Variants in PLEKHH2 observed in about 807,000 individuals in gnomAD.
PLEKHH2 encodes the protein pleckstrin homology domain-containing family H member 2.
A neutral mutation model predicts 187.9 loss-of-function variants in PLEKHH2; 129 were observed. That is an observed-to-expected ratio of 0.69 (90% CI 0.59 to 0.79). The LOEUF is 0.79. PLEKHH2 is among the 30% of genes least tolerant of loss of function. The pLI is 0.00. For synonymous variants in PLEKHH2, 686 were observed against 605.6 expected (o/e 1.13, Z -1.95); for missense variants, 2,076 against 1,751.2 (o/e 1.19, Z -3.31).
Position 43,712,321 on chromosome 2 carries a change from G to A in PLEKHH2, c.2398G>A (p.Ala800Thr), listed in dbSNP as rs377168590. The A allele has an allele frequency of 1.4e-5, 23 of 1,613,962 alleles. No individual in the cohort carries two copies. Among genetic ancestry groups the A allele is most frequent in the Non-Finnish European group, 1.9e-5 (23 of 1,180,002 alleles). ...GTTACAGAATGTTCTTCGAGTACAAGCTGCCAACCCACTTTCCCTGCAGCC... is the reference window on the plus strand; with the variant it reads ...GTTACAGAATGTTCTTCGAGTACAAACTGCCAACCCACTTTCCCTGCAGCC... ...KVLQNVLRVQ[A>T]ANPLSLQPEG... The change falls in exon 15 of 30, where the codon GCT (alanine) becomes ACT (threonine). Residue 800 changes from alanine (A) to threonine (T), a missense_variant. Ala to Thr is a moderately conservative substitution (Grantham distance 58). Transcript: ENST00000282406.
At chr2:43,726,043 A>T (rs899016734) in intron 16 of PLEKHH2, among the ~76,000 whole-genome samples, 3 of 151,390 alleles carry the variant, frequency 2.0e-5, no homozygotes, top group South Asian at 2.1e-4. Flanking sequence ...CCTGAAGCCC[A>T]GGAGTTCAAG....
chr2:43,752,554 G>A (rs190127659), intron 24 of PLEKHH2, among the ~76,000 whole-genome samples: 1 of 152,252 alleles, frequency 6.6e-6, no homozygotes, highest in African/African-American at 2.4e-5. Context: ...AAGTGTGTAG[G>A]GGGAAGAAAA....
Position 43,731,370 on chromosome 2 carries a change from C to T in PLEKHH2, c.2831-120C>T, listed in dbSNP as rs533288497. 16 of 658,406 alleles carry T rather than the reference C, an allele frequency of 2.4e-5. No homozygotes were observed. The Admixed American group carries it at 3.9e-4, about 16-fold the overall frequency. The allele number at this position is 658,406 out of a possible 1,614,324, so 40.8% of individuals were successfully genotyped here. A position where few individuals can be genotyped will look rare whatever the true frequency, so the allele number is the denominator to read the frequency against. ...TGTTGCCAAAGAGTTTTTTTCTGAC[C>T]TTTGTGACTTAAAGTTGTGAGCCAA... On this transcript the variant is annotated intron_variant, in intron 18 of 29. Coordinates refer to ENST00000282406, the MANE Select transcript of PLEKHH2 (RefSeq NM_172069.4).
intron 18 of PLEKHH2, among the ~76,000 whole-genome samples, chr2:43,730,209 A>T (rs1670972094): frequency 6.6e-6 from 1 of 152,214 alleles, no homozygotes; most frequent in Admixed American, 6.5e-5. Flanking sequence ...ATGGCTTTGA[A>T]TGTGGCCCAA....
chr2:43,656,696 A>G (rs1225125434), intron 2 of PLEKHH2, among the ~76,000 whole-genome samples: 1 of 152,238 alleles, frequency 6.6e-6, no homozygotes, highest in Non-Finnish European at 1.5e-5. Context: ...TGTGCACAAC[A>G]AATATATACA....
chr2:43,670,173 G>A (rs1667426813), intron 2 of PLEKHH2, among the ~76,000 whole-genome samples: 1 of 152,132 alleles, frequency 6.6e-6, no homozygotes, highest in African/African-American at 2.4e-5. Flanking sequence ...ATCATTAGGA[G>A]AATAAAATTA....
chr2:43,706,402 A>G lies in PLEKHH2; in HGVS notation c.1807A>G (p.Thr603Ala). The change falls in exon 10 of 30, where the codon ACA (threonine) becomes GCA (alanine). Residue 603 changes from threonine (T) to alanine (A), a missense_variant. By Grantham distance (58) the Thr-to-Ala change is moderately conservative. Coordinates refer to ENST00000282406, the MANE Select transcript of PLEKHH2 (RefSeq NM_172069.4). ...CAAGAACATGACCACCCCAGTGTAT[A>G]CAACTTTGAAGGGGGTAACTCATTA... Reference protein sequence around the residue: ...IYKNMTTPVYTTLKGKATQIS... With the variant: ...IYKNMTTPVYATLKGKATQIS... 6.3e-7 allele frequency: 1 copy of G among 1,588,442 alleles called. No homozygotes were observed. The highest frequency in any genetic ancestry group is 8.6e-7 in the Non-Finnish European group (1 of 1,157,276).
At chr2:43,679,141 T>C (rs1442667273) in intron 3 of PLEKHH2, among the ~76,000 whole-genome samples, 1 of 152,202 alleles carries the variant, frequency 6.6e-6, no homozygotes, top group Non-Finnish European at 1.5e-5. Flanking sequence ...AAGGAAGTTT[T>C]ATCTTACTTC....
At chr2:43,643,882 C>G (rs1666064534) in intron 1 of PLEKHH2, among the ~76,000 whole-genome samples, 1 of 152,114 alleles carries the variant, frequency 6.6e-6, no homozygotes, top group Admixed American at 6.5e-5. Flanking sequence ...AACCAATTCC[C>G]TTGCATCTTG....
chr2:43,699,896 A>C lies in PLEKHH2; in HGVS notation c.938A>C (p.Glu313Ala), dbSNP rs1473486282. 6.2e-6 allele frequency: 10 copies of C among 1,614,042 alleles called. No homozygotes were observed. The highest frequency in any genetic ancestry group is 8.5e-6 in the Non-Finnish European group (10 of 1,180,016). Residue 313 changes from glutamate to alanine, a missense_variant, in exon 8 of 30, where the codon GAA (glutamate) becomes GCA (alanine). Coordinates refer to ENST00000282406, the MANE Select transcript of PLEKHH2 (RefSeq NM_172069.4). ...ACCCTCTCCAGTCACACATCTGAGG[A>C]AGGGGTCCAGTGTAGCAGGATGGGA... ...TSTLSSHTSE[E>A]GVQCSRMGSE...
chr2:43,744,589 C>T (rs1195010814), intron 23 of PLEKHH2, among the ~76,000 whole-genome samples: 9 of 151,992 alleles, frequency 5.9e-5, no homozygotes, highest in Non-Finnish European at 8.8e-5. Flanking sequence ...GACCTGTGTC[C>T]GGGTGCAGTG....
At chr2:43,703,719 C>T (rs937300922) in intron 8 of PLEKHH2, among the ~76,000 whole-genome samples, 14 of 151,944 alleles carry the variant, frequency 9.2e-5, no homozygotes, top group African/African-American at 2.7e-4. Context: ...TTTTTCTTCA[C>T]GTCTTCAAAA....
chr2:43,692,050 C>A (rs1465720204), intron 3 of PLEKHH2, among the ~76,000 whole-genome samples: 1 of 151,798 alleles, frequency 6.6e-6, no homozygotes, highest in Non-Finnish European at 1.5e-5. Context: ...GTTTTCCCAC[C>A]CCCCTTTCCA....
Position 43,728,754 on chromosome 2 carries a change from G to A in PLEKHH2, c.2722-883G>A, listed in dbSNP as rs184683776. ...TTTTTGTATTTTTAGTAGAGACGGC[G>A]TTTCACCATGTTGGCCAGGCTGGTC... On this transcript the variant is annotated intron_variant, in intron 17 of 29. Coordinates refer to ENST00000282406, the MANE Select transcript of PLEKHH2 (RefSeq NM_172069.4). Among the ~76,000 whole-genome samples, 47 of 151,748 alleles carry A rather than the reference G, an allele frequency of 3.1e-4. No individual in the cohort carries two copies. The East Asian group carries it at 7.7e-3, about 25-fold the overall frequency.
chr2:43,707,551 G>A lies in PLEKHH2; in HGVS notation c.1966+6G>A, dbSNP rs1368659166. On this transcript the variant is annotated splice_donor_region_variant and intron_variant, in intron 11 of 29. Coordinates refer to ENST00000282406, the MANE Select transcript of PLEKHH2 (RefSeq NM_172069.4). ...CCCCAGAGCCATGAAACGAGGTGAG[G>A]GAAAATCGCAGGCATATGAGGCAAC... 3 of 1,613,592 alleles carry A rather than the reference G, an allele frequency of 1.9e-6. No homozygotes were observed. Among genetic ancestry groups the A allele is most frequent in the East Asian group, 2.2e-5 (1 of 44,868 alleles).
At chr2:43,666,289 C>T (rs1049883767) in intron 2 of PLEKHH2, among the ~76,000 whole-genome samples, 2 of 151,302 alleles carry the variant, frequency 1.3e-5, no homozygotes, top group African/African-American at 4.9e-5. Flanking sequence ...CTCCCTGACC[C>T]CTTGCGCTTC....
At chr2:43,710,923 G>A in intron 14 of PLEKHH2, 1 of 1,032,568 alleles carries the variant, frequency 9.7e-7, no homozygotes, top group Middle Eastern at 4.6e-4. Context: ...GTTATATAAT[G>A]TACTGTGAAA....
chr2:43,729,626 C>T lies in PLEKHH2; in HGVS notation c.2722-11C>T. 6.5e-7 allele frequency: 1 copy of T among 1,530,070 alleles called. No homozygotes were observed. 94.8% of individuals were successfully genotyped at this position (1,530,070 alleles called of 1,614,324 possible). On this transcript the variant is annotated splice_polypyrimidine_tract_variant and intron_variant, in intron 17 of 29. Coordinates refer to ENST00000282406, the MANE Select transcript of PLEKHH2 (RefSeq NM_172069.4). ...TGTCTTAACATTTAATTAATATGTT[C>T]TGGTTTTAAGGACACTTGGCTTTAT...
rs374966635 is a variant in PLEKHH2 at position 43,710,204 on chromosome 2, A to G, written c.2104-16A>G. 8.1e-6 allele frequency: 13 copies of G among 1,612,302 alleles called. No homozygotes were observed. The highest frequency in any genetic ancestry group is 1.1e-5 in the Non-Finnish European group (13 of 1,178,812). The stretch of plus-strand genomic sequence containing the variant: ...AAGGAAACTGAAAATGCTTTTGTCT[A>G]TCTTTTAAAAATTAGGAACCACTGG... On this transcript the variant is annotated splice_polypyrimidine_tract_variant and intron_variant, in intron 12 of 29. Transcript: ENST00000282406.
Sources: gnomAD v4.1 joint callset for allele counts (sites outside exome capture counted in the v4.1 genomes callset) on GRCh38, gnomAD v4.1.1 for gene constraint, MANE v1.5 for transcripts, NCBI Gene and HGNC (gene_info 2026-07-23, HGNC 2026-07-21) for gene names.